IQCM: variants seen among roughly 807,000 people sequenced by gnomAD.
IQCM encodes the protein IQ domain-containing protein M.
Under a neutral mutation model 57.6 loss-of-function variants are expected in IQCM, and 45 were observed. That is an observed-to-expected ratio of 0.78 (90% confidence interval 0.62 to 1.00). The LOEUF (loss-of-function observed/expected upper bound fraction) is 1.00, where lower values mean the gene tolerates loss of function less well. Among genes scored for constraint, IQCM ranks in the 50% least tolerant of loss-of-function variants. The pLI is 0.00. For missense variants in IQCM, 468 were observed against 511.6 expected, an observed-to-expected ratio of 0.91 and a Z score of 0.82; for synonymous variants, 148 against 158.9, an observed-to-expected ratio of 0.93 and a Z score of 0.51.
chr4:149,415,938 A>C (rs934276307), intron 13 of IQCM, among the ~76,000 whole-genome samples: 12 of 152,074 alleles, frequency 7.9e-5, no homozygotes, highest in Non-Finnish European at 1.5e-4. Flanking sequence ...GCATTAGGAG[A>C]GATACCTAAT....
intron 12 of IQCM, among the ~76,000 whole-genome samples, chr4:149,484,024 C>A (rs571500048): frequency 2.0e-5 from 3 of 151,876 alleles, no homozygotes. Context: ...AATGTAGTGA[C>A]CTTCTTTGTC....
intron 13 of IQCM, among the ~76,000 whole-genome samples, chr4:149,369,604 CTTTAT>C: frequency 6.6e-6 from 1 of 152,228 alleles, no homozygotes; most frequent in African/African-American, 2.4e-5. Context: ...TAATTATTCA[CTTTAT>C]TTTAACTATG....
Position 149,461,105 on chromosome 4 carries a change from A to T in IQCM, c.1229-27548T>A, listed in dbSNP as rs188046441. 3.9e-4 allele frequency among the ~76,000 whole-genome samples: 60 copies of T among 151,924 alleles called. 1 individual carries two copies. The highest frequency in any genetic ancestry group is 1.4e-3 in the African/African-American group (60 of 41,424). On this transcript the variant is annotated intron_variant, in intron 12 of 13. Transcript: ENST00000636793. Reference sequence around the variant, plus strand: ...CAAAATTAGGCGGGTGTGGTGGCACACGCCTGTAATCTTAGCTACTCAGGC... The same window carrying T: ...CAAAATTAGGCGGGTGTGGTGGCACTCGCCTGTAATCTTAGCTACTCAGGC...
intron 7 of IQCM, among the ~76,000 whole-genome samples, chr4:149,659,054 A>T (rs141645935): frequency 1.9e-3 from 289 of 152,154 alleles, no homozygotes; most frequent in African/African-American, 4.5e-3. Context: ...TTTTTATTGC[A>T]TCTATTTGAT....
At chr4:149,677,619 T>C (rs1348076778) in intron 7 of IQCM, among the ~76,000 whole-genome samples, 1 of 151,958 alleles carries the variant, frequency 6.6e-6, no homozygotes, top group African/African-American at 2.4e-5. Context: ...TGCAAAGACA[T>C]AGATGTACAT....
intron 13 of IQCM, among the ~76,000 whole-genome samples, chr4:149,352,517 G>T (rs940835753): frequency 1.3e-5 from 2 of 152,168 alleles, no homozygotes; most frequent in African/African-American, 4.8e-5. Context: ...AACTAGAGAT[G>T]ATTTAAAGTA....
chr4:149,585,902 C>T (rs916248419), intron 9 of IQCM, among the ~76,000 whole-genome samples: 1 of 151,588 alleles, frequency 6.6e-6, no homozygotes, highest in African/African-American at 2.4e-5. Flanking sequence ...ATTCCTTCAG[C>T]CATCATTCTT....
At chr4:149,737,532 G>C (rs945976322) in intron 3 of IQCM, 1 of 152,232 alleles carries the variant, frequency 6.6e-6, no homozygotes, top group Non-Finnish European at 1.5e-5. Flanking sequence ...ATTATTGAAG[G>C]CCACACTCTC....
chr4:149,471,659 A>T (rs1053284861), intron 12 of IQCM, among the ~76,000 whole-genome samples: 1 of 152,128 alleles, frequency 6.6e-6, no homozygotes, highest in East Asian at 1.9e-4. Context: ...CCTGGCAGAG[A>T]CACAACAAAA....
intron 12 of IQCM, among the ~76,000 whole-genome samples, chr4:149,500,412 A>C (rs1176821828): frequency 2.6e-5 from 4 of 152,234 alleles, no homozygotes; most frequent in Non-Finnish European, 4.4e-5. Context: ...AGTTCAAGAT[A>C]ACAGAGAAGA....
intron 12 of IQCM, among the ~76,000 whole-genome samples, chr4:149,525,865 T>A (rs903853776): frequency 6.6e-6 from 1 of 151,714 alleles, no homozygotes; most frequent in Admixed American, 6.6e-5. Flanking sequence ...AGGATTAATA[T>A]ATAAATAGGG....
At chr4:149,660,309 A>G (rs1449691306) in intron 7 of IQCM, among the ~76,000 whole-genome samples, 17 of 152,244 alleles carry the variant, frequency 1.1e-4, no homozygotes, top group African/African-American at 3.4e-4. Flanking sequence ...TTAGAATGGC[A>G]ATCATTAAAA....
intron 9 of IQCM, among the ~76,000 whole-genome samples, chr4:149,576,592 T>C (rs185053741): frequency 3.9e-5 from 6 of 152,108 alleles, no homozygotes; most frequent in Admixed American, 3.9e-4. Context: ...TTTTTATGAC[T>C]GCATAGTATT....
intron 13 of IQCM, among the ~76,000 whole-genome samples, chr4:149,405,461 T>A (rs1050204585): frequency 4.0e-5 from 6 of 151,778 alleles, no homozygotes; most frequent in African/African-American, 1.5e-4. Flanking sequence ...CTAATGTAAA[T>A]TATAAGTTGA....
intron 5 of IQCM, among the ~76,000 whole-genome samples, chr4:149,719,440 G>C (rs150806106): frequency 1.6e-4 from 25 of 151,886 alleles, no homozygotes; most frequent in Non-Finnish European, 3.4e-4. Flanking sequence ...ACAAATATAA[G>C]AAACTACCAA....
At chr4:149,514,347 A>T in intron 12 of IQCM, among the ~76,000 whole-genome samples, 1 of 152,176 alleles carries the variant, frequency 6.6e-6, no homozygotes, top group East Asian at 1.9e-4. Flanking sequence ...CTCCTCAAAC[A>T]TTATTATGAC....
chr4:149,387,554 A>C (rs1731509637), intron 13 of IQCM, among the ~76,000 whole-genome samples: 1 of 152,052 alleles, frequency 6.6e-6, no homozygotes, highest in Admixed American at 6.6e-5. Flanking sequence ...TCTTTTCAAG[A>C]AAAACTTTCT....
At chr4:149,621,860 A>G (rs1018719238) in intron 7 of IQCM, among the ~76,000 whole-genome samples, 6 of 152,092 alleles carry the variant, frequency 3.9e-5, no homozygotes, top group African/African-American at 1.4e-4. Flanking sequence ...TTTTTTCCTC[A>G]GAGATATTAA....
chr4:149,809,051 C>A (rs1774325811), intron 2 of IQCM, among the ~76,000 whole-genome samples: 1 of 152,080 alleles, frequency 6.6e-6, no homozygotes, highest in Non-Finnish European at 1.5e-5. Flanking sequence ...TACCAGGCAC[C>A]TCAGCACCTG....
Sources: allele counts gnomAD v4.1 joint callset (sites outside exome capture counted in the v4.1 genomes callset), GRCh38; gene constraint gnomAD v4.1.1; transcripts MANE v1.5; gene names NCBI Gene and HGNC (gene_info 2026-07-23, HGNC 2026-07-21).